PERP: variants seen among roughly 807,000 people sequenced by gnomAD.
The protein encoded by PERP is p53 apoptosis effector related to PMP22.
A neutral mutation model predicts 20.3 loss-of-function variants in PERP; 11 were observed. The ratio of observed to expected loss-of-function variants is 0.54; its 90% CI spans 0.34 to 0.90. The LOEUF (loss-of-function observed/expected upper bound fraction) is 0.90. Among genes scored for constraint, PERP ranks in the 40% least tolerant of loss-of-function variants. The probability of loss-of-function intolerance (pLI) is 0.02; values close to 1 mark genes in which losing one functional copy is unlikely to be tolerated. For synonymous variants in PERP, 101 were observed against 102.0 expected (o/e 0.99, Z 0.06); for missense variants, 224 against 249.4 (o/e 0.90, Z 0.69).
In PERP at chr6:138,096,358, C is replaced by A. The variant is rs1417518969; in HGVS notation, c.351G>T (p.Leu117Phe). Residue 117 changes from leucine to phenylalanine, a missense_variant, in exon 2 of 3, where the codon TTG (leucine) becomes TTT (phenylalanine). Coordinates refer to ENST00000421351, the MANE Select transcript of PERP (RefSeq NM_022121.5). ...FLRVIGGLLA[L>F]AAVFQIISLV... ...ATTGCTGACACACAGTCTTACCAGC[C>A]AAGGCAAGGAGACCTCCAATCACTC... is the stretch of plus-strand genomic sequence containing the variant. 1 of 1,613,792 alleles carries A rather than the reference C, an allele frequency of 6.2e-7. No homozygotes were observed. Among genetic ancestry groups the A allele is most frequent in the East Asian group, 2.2e-5 (1 of 44,878 alleles).
Position 138,091,630 on chromosome 6 carries a change from T to C in PERP, c.*412A>G, listed in dbSNP as rs1775584789. 1 of 153,828 alleles carries C rather than the reference T, an allele frequency of 6.5e-6. No individual in the cohort carries two copies. Among genetic ancestry groups the C allele is most frequent in the African/African-American group, 2.4e-5 (1 of 41,488 alleles). The allele number at this position is 153,828 out of a possible 1,614,324, so 9.5% of individuals were successfully genotyped here. A position where few individuals can be genotyped will look rare whatever the true frequency, so the allele number is the denominator to read the frequency against. ...TGGTCATTAACAACTTTTAACCTTA[T>C]CTTCCTCTTCTCCTTAGCCCTTAAC... On this transcript the variant is annotated 3_prime_UTR_variant, in exon 3 of 3. Transcript: ENST00000421351.
Position 138,107,321 on chromosome 6 carries a change from G to T in PERP, c.20C>A (p.Ala7Asp), listed in dbSNP as rs1488948184. ...CAGGATCCAGCGGCAGCGCTCGCAG[G>T]CCAGGCCGCAGCGGATCATGTTGAC... MIRCGL[A>D]CERCRWILPL... The change falls in exon 1 of 3, where the codon GCC becomes GAC. Residue 7 changes from alanine (A) to aspartate (D), a missense_variant. By Grantham distance (126) the Ala-to-Asp change is moderately radical. Transcript: ENST00000421351. The surrounding 1 kb of genome is among the most constrained non-coding windows in gnomAD (Gnocchi z 4.8). The T allele has an allele frequency of 6.2e-7, 1 of 1,601,154 alleles. No individual in the cohort carries two copies. Among genetic ancestry groups the T allele is most frequent in the South Asian group, 1.1e-5 (1 of 90,324 alleles).
intron 2 of PERP, among the ~76,000 whole-genome samples, chr6:138,094,038 CTG>C (rs1214660994): frequency 6.6e-6 from 1 of 152,210 alleles, no homozygotes; most frequent in African/African-American, 2.4e-5. Context: ...TACCCCGTCA[CTG>C]TGGATGGCCA....
At chr6:138,099,790 T>C (rs1210611088) in intron 1 of PERP, among the ~76,000 whole-genome samples, 1 of 152,210 alleles carries the variant, frequency 6.6e-6, no homozygotes, top group Non-Finnish European at 1.5e-5. Flanking sequence ...AAAGAAATGG[T>C]AAGCCAATTC....
At chr6:138,098,057 T>G (rs1448531751) in intron 1 of PERP, among the ~76,000 whole-genome samples, 1 of 152,226 alleles carries the variant, frequency 6.6e-6, no homozygotes, top group African/African-American at 2.4e-5. Flanking sequence ...CGGTTTGTCA[T>G]GTTATAGCAT....
In PERP at chr6:138,091,601, T is replaced by C. The variant is rs560106790; in HGVS notation, c.*441A>G. 1 of 152,972 alleles carries C rather than the reference T, an allele frequency of 6.5e-6. No individual in the cohort carries two copies. The highest frequency in any genetic ancestry group is 2.1e-4 in the South Asian group (1 of 4,844). 9.5% of individuals were successfully genotyped at this position (152,972 alleles called of 1,614,324 possible). A position where few individuals can be genotyped will look rare whatever the true frequency, so the allele number is the denominator to read the frequency against. ...CTTTTTTTTTGCATTTCTTTTAGAA[T>C]GTTTGGTCATTAACAACTTTTAACC... On this transcript the variant is annotated 3_prime_UTR_variant, in exon 3 of 3. Transcript: ENST00000421351.
rs1032157080 is a variant in PERP at position 138,107,397 on chromosome 6, C to A, written c.-57G>T. 3 of 1,364,088 alleles carry A rather than the reference C, an allele frequency of 2.2e-6. No individual in the cohort carries two copies. Among genetic ancestry groups the A allele is most frequent in the Admixed American group, 6.0e-5 (2 of 33,262 alleles). 84.5% of individuals were successfully genotyped at this position (1,364,088 alleles called of 1,614,324 possible). On this transcript the variant is annotated 5_prime_UTR_variant, in exon 1 of 3. Coordinates refer to ENST00000421351, the MANE Select transcript of PERP (RefSeq NM_022121.5). The surrounding 1 kb of genome is among the most constrained non-coding windows in gnomAD (Gnocchi z 4.8). ...GAGCGGAGCGGGTCGGAGGAGCGCG[C>A]GGGACGGGCGACAGCAGAGAGTGGC...
intron 1 of PERP, among the ~76,000 whole-genome samples, chr6:138,105,220 C>T (rs370657535): frequency 3.3e-5 from 5 of 152,174 alleles, no homozygotes; most frequent in East Asian, 1.9e-4. Context: ...TTACCATTTA[C>T]GAAAATCAGT....
chr6:138,096,421 G>C lies in PERP; in HGVS notation c.288C>G (p.Phe96Leu). The stretch of plus-strand genomic sequence containing the variant: ...GCATCTGGGGTCCACAGAGGGCGAA[G>C]AAGGAGAGGATGAAACAGATCACCA... Reference protein sequence around the residue: ...IILVICFILSFFALCGPQMLV... With the variant: ...IILVICFILSLFALCGPQMLV... The change falls in exon 2 of 3, where the codon TTC (phenylalanine) becomes TTG (leucine). Residue 96 changes from phenylalanine (F) to leucine (L), a missense_variant. Coordinates refer to ENST00000421351, the MANE Select transcript of PERP (RefSeq NM_022121.5). 6.2e-7 allele frequency: 1 copy of C among 1,614,124 alleles called. No homozygotes were observed. Among genetic ancestry groups the C allele is most frequent in the East Asian group, 2.2e-5 (1 of 44,882 alleles).
In PERP at chr6:138,088,744, G is replaced by A. The variant is rs908004175; in HGVS notation, c.*3298C>T. ...AGAATGCACTGCACACTGTATCCAG[G>A]CAAGCCAAGCTCACCTAAAAATGGT... On this transcript the variant is annotated 3_prime_UTR_variant, in exon 3 of 3. Coordinates refer to ENST00000421351, the MANE Select transcript of PERP (RefSeq NM_022121.5). The A allele has an allele frequency of 6.6e-6, 1 of 152,128 alleles. No individual in the cohort carries two copies. The highest frequency in any genetic ancestry group is 2.4e-5 in the African/African-American group (1 of 41,412). 9.4% of individuals were successfully genotyped at this position (152,128 alleles called of 1,614,324 possible).
chr6:138,107,147 C>G lies in PERP; in HGVS notation c.194G>C (p.Cys65Ser). Reference protein sequence around the residue: ...GGGSGSYEEGCQSLMEYAWGR... With the variant: ...GGGSGSYEEGSQSLMEYAWGR... ...CTCACCGTACTCCATGAGGCTCTGA[C>G]AGCCCTCCTCGTAGGACCCGCTGCC... The change falls in exon 1 of 3, where the codon TGT becomes TCT. Residue 65 changes from cysteine (C) to serine (S), a missense_variant. Transcript: ENST00000421351. This position sits in a 1 kb window ranked among gnomAD's most constrained non-coding sequence, Gnocchi z 4.8. 2 of 1,609,972 alleles carry G rather than the reference C, an allele frequency of 1.2e-6. No homozygotes were observed. The highest frequency in any genetic ancestry group is 8.5e-7 in the Non-Finnish European group (1 of 1,178,774).
chr6:138,096,642 C>G (rs1775699684), intron 1 of PERP, 148 bp from the exon 2 acceptor site: 3 of 842,776 alleles, frequency 3.6e-6, no homozygotes, highest in African/African-American at 1.7e-5. Context: ...AATACTTGAG[C>G]ATCTCCATAT....
chr6:138,104,514 C>T (rs1039124552), intron 1 of PERP, among the ~76,000 whole-genome samples: 3 of 152,120 alleles, frequency 2.0e-5, no homozygotes, highest in Non-Finnish European at 2.9e-5. Flanking sequence ...CATATTCATT[C>T]GGATTATTGT....
chr6:138,100,547 T>G (rs1189284314), intron 1 of PERP, among the ~76,000 whole-genome samples: 1 of 140,094 alleles, frequency 7.1e-6, no homozygotes, highest in Non-Finnish European at 1.6e-5. Flanking sequence ...CAGATTTGTG[T>G]GTGTGTGTGT....
At chr6:138,096,056 T>C (rs1243595268) in intron 2 of PERP, among the ~76,000 whole-genome samples, 2 of 152,036 alleles carry the variant, frequency 1.3e-5, no homozygotes, top group African/African-American at 4.8e-5. Context: ...AGGGCTGACA[T>C]AGCCTAGTTT....
intron 1 of PERP, among the ~76,000 whole-genome samples, chr6:138,103,448 G>A (rs567623640): frequency 5.3e-5 from 8 of 152,030 alleles, no homozygotes; most frequent in African/African-American, 1.4e-4. Context: ...CACCACACCC[G>A]GCCAGGAACA....
At chr6:138,101,369 CA>C (rs571131345) in intron 1 of PERP, among the ~76,000 whole-genome samples, 1 of 150,666 alleles carries the variant, frequency 6.6e-6, no homozygotes, top group Non-Finnish European at 1.5e-5. Flanking sequence ...GACTCTGTCT[CA>C]AAAAAAAGTC....
rs1465432173 is a variant in PERP at position 138,091,880 on chromosome 6, C to T, written c.*162G>A. 8.1e-6 allele frequency: 5 copies of T among 614,418 alleles called. No individual in the cohort carries two copies. Among genetic ancestry groups the T allele is most frequent in the Non-Finnish European group, 1.4e-5 (5 of 356,670 alleles). The allele number at this position is 614,418 out of a possible 1,614,324, so 38.1% of individuals were successfully genotyped here. ...ATAAAAGATAAACATGAAACTATAA[C>T]ACTACTTAAAAAATATTTTCTCCCA... On this transcript the variant is annotated 3_prime_UTR_variant, in exon 3 of 3. Transcript: ENST00000421351.
At chr6:138,092,852 G>T (rs769538471) in intron 2 of PERP, among the ~76,000 whole-genome samples, 1 of 152,044 alleles carries the variant, frequency 6.6e-6, no homozygotes, top group Non-Finnish European at 1.5e-5. Flanking sequence ...TGCAGAGGAC[G>T]CGGAAATCTG....
Sources: gnomAD v4.1 joint callset for allele counts (sites outside exome capture counted in the v4.1 genomes callset) on GRCh38, gnomAD v4.1.1 for gene constraint, Gnocchi (gnomAD v3.1) non-coding constraint, MANE v1.5 for transcripts, NCBI Gene and HGNC (gene_info 2026-07-23, HGNC 2026-07-21) for gene names.